ALG14: variants seen among roughly 807,000 people sequenced by gnomAD.
ALG14 encodes UDP-N-acetylglucosamine transferase subunit ALG14.
A neutral mutation model predicts 22.8 loss-of-function variants in ALG14; 17 were observed. That is an observed-to-expected ratio of 0.75 (90% CI 0.51 to 1.12). ALG14 has a LOEUF of 1.12. ALG14 is among the 50% of genes most tolerant of loss of function. ALG14 has a pLI of 0.00. For synonymous variants in ALG14, 89 were observed against 103.7 expected (o/e 0.86, Z 0.86); for missense variants, 288 against 271.8 (o/e 1.06, Z -0.42).
At chr1:95,059,593 C>A (rs1422347371) in intron 2 of ALG14, among the ~76,000 whole-genome samples, 1 of 151,366 alleles carries the variant, frequency 6.6e-6, no homozygotes, top group African/African-American at 2.4e-5. Flanking sequence ...GTTTTGAATC[C>A]GTTAATTATC....
At chr1:95,044,882 T>TAAAAA (rs372248366) in intron 2 of ALG14, among the ~76,000 whole-genome samples, 190 of 151,876 alleles carry the variant, frequency 1.3e-3, no homozygotes, top group African/African-American at 4.4e-3. Context: ...ATTTTTTTTT[T>TAAAAA]AAAAAAAGCA....
rs1353593665 is a variant in ALG14, at chr1:94,988,116, G to A, written c.421-4810C>T. Reference sequence around the variant, plus strand: ...GGCTCGGGTAGGTAGCCTACCTGGAGGTCAAGGGTTCTGTCAAAATCAATG... The same window carrying A: ...GGCTCGGGTAGGTAGCCTACCTGGAAGTCAAGGGTTCTGTCAAAATCAATG... On this transcript the variant is annotated intron_variant, in intron 3 of 3. Coordinates refer to ENST00000370205, the MANE Select transcript of ALG14 (RefSeq NM_144988.4). Among the ~76,000 whole-genome samples, 4 of 152,182 alleles carry A rather than the reference G, an allele frequency of 2.6e-5. 1 individual carries two copies. The highest frequency in any genetic ancestry group is 5.9e-5 in the Non-Finnish European group (4 of 68,046).
intron 2 of ALG14, among the ~76,000 whole-genome samples, chr1:95,055,433 AC>A (rs1674892819): frequency 6.6e-6 from 1 of 152,184 alleles, no homozygotes; most frequent in Admixed American, 6.6e-5. Context: ...GAGTAAAAAA[AC>A]AATACAAGAC....
chr1:95,016,985 GTGTGTGTGTGTA>G (rs1673518239), intron 3 of ALG14, among the ~76,000 whole-genome samples: 1 of 147,772 alleles, frequency 6.8e-6, no homozygotes, highest in Non-Finnish European at 1.5e-5. Flanking sequence ...GTGTGTGTGT[GTGTGTGTGTGTA>G]GTGTGGTGTG....
intron 3 of ALG14, among the ~76,000 whole-genome samples, chr1:94,988,018 A>G (rs946672742): frequency 3.3e-5 from 5 of 152,216 alleles, no homozygotes; most frequent in African/African-American, 9.7e-5. Context: ...ACACAGCTGC[A>G]GGGAAAGCTT....
At chr1:95,057,384 C>A (rs1674970923) in intron 2 of ALG14, among the ~76,000 whole-genome samples, 1 of 151,554 alleles carries the variant, frequency 6.6e-6, no homozygotes, top group Non-Finnish European at 1.5e-5. Flanking sequence ...TTCCCCTTGT[C>A]ATTATTTCCT....
At chr1:95,016,113 G>A (rs1673488495) in intron 3 of ALG14, among the ~76,000 whole-genome samples, 1 of 152,166 alleles carries the variant, frequency 6.6e-6, no homozygotes, top group South Asian at 2.1e-4. Flanking sequence ...TGGTAGAGTG[G>A]CAGACCTAGA....
chr1:95,030,960 A>G (rs751287961), intron 2 of ALG14, among the ~76,000 whole-genome samples: 10 of 152,218 alleles, frequency 6.6e-5, no homozygotes, highest in East Asian at 1.9e-4. Context: ...ACCAGTAACT[A>G]AAGTTTGATG....
At chr1:95,046,845 C>T (rs999400047) in intron 2 of ALG14, among the ~76,000 whole-genome samples, 3 of 152,164 alleles carry the variant, frequency 2.0e-5, no homozygotes, top group Non-Finnish European at 4.4e-5. Flanking sequence ...CGCCTGTAAT[C>T]TCAACACTTT....
intron 2 of ALG14, 114 bp from the exon 3 acceptor site, chr1:95,027,374 T>A: frequency 7.9e-7 from 1 of 1,258,708 alleles, no homozygotes; most frequent in Non-Finnish European, 1.1e-6. Context: ...AAATTTTCAT[T>A]CTAACCACTT....
At chr1:95,043,562 T>C (rs1014933726) in intron 2 of ALG14, among the ~76,000 whole-genome samples, 3 of 152,180 alleles carry the variant, frequency 2.0e-5, no homozygotes, top group African/African-American at 4.8e-5. Context: ...TGAGAACTAG[T>C]GCAGGTCAGC....
At position 94,981,603 on chromosome 1, in the gene ALG14, T is replaced by C. The variant is rs899521797; in HGVS notation, c.*1473A>G. 6 of 151,184 alleles carry C rather than the reference T, an allele frequency of 4.0e-5. No homozygotes were observed. Among genetic ancestry groups the C allele is most frequent in the East Asian group, 1.9e-4 (1 of 5,186 alleles). 9.4% of individuals were successfully genotyped at this position (151,184 alleles called of 1,614,324 possible). ...ATTTATTAGATTTATATCATACTTA[T>C]AAAGCAAAAGATTTAAGAGGAAAAA... On this transcript the variant is annotated 3_prime_UTR_variant, in exon 4 of 4. Coordinates refer to ENST00000370205, the MANE Select transcript of ALG14 (RefSeq NM_144988.4).
At chr1:95,070,816 A>G (rs1675535813) in intron 1 of ALG14, among the ~76,000 whole-genome samples, 1 of 152,024 alleles carries the variant, frequency 6.6e-6, no homozygotes, top group South Asian at 2.1e-4. Context: ...GCTCACTGCA[A>G]CCTCCACCTC....
chr1:95,001,444 A>G (rs946424011), intron 3 of ALG14, among the ~76,000 whole-genome samples: 8 of 152,178 alleles, frequency 5.3e-5, no homozygotes, highest in African/African-American at 1.9e-4. Flanking sequence ...GCATCTTCCA[A>G]CATGGCTTTT....
chr1:94,997,013 C>T (rs556726905), intron 3 of ALG14, among the ~76,000 whole-genome samples: 91 of 152,200 alleles, frequency 6.0e-4, no homozygotes, highest in African/African-American at 2.1e-3. Context: ...TAGTTGAGAG[C>T]ATCCAGAGAA....
chr1:94,993,824 A>T (rs1320572955), intron 3 of ALG14, among the ~76,000 whole-genome samples: 1 of 152,184 alleles, frequency 6.6e-6, no homozygotes, highest in East Asian at 1.9e-4. Flanking sequence ...CAGGCTCCAA[A>T]ATCCCCTCTA....
At chr1:95,057,422 A>G (rs918000750) in intron 2 of ALG14, among the ~76,000 whole-genome samples, 22 of 151,966 alleles carry the variant, frequency 1.4e-4, no homozygotes, top group African/African-American at 4.6e-4. Context: ...AACTATTTAC[A>G]TAGTATTTAC....
chr1:95,058,437 A>C (rs1675012779), intron 2 of ALG14, among the ~76,000 whole-genome samples: 1 of 150,462 alleles, frequency 6.6e-6, no homozygotes, highest in Non-Finnish European at 1.5e-5. Flanking sequence ...AACATGGCAA[A>C]ACCCCATCTT....
chr1:95,056,135 C>CA (rs1246203693), intron 2 of ALG14, among the ~76,000 whole-genome samples: 1 of 151,450 alleles, frequency 6.6e-6, no homozygotes, highest in Admixed American at 6.6e-5. Context: ...CTAGGCTGAA[C>CA]AGCTATATAT....
Sources: gnomAD v4.1 joint callset for allele counts (sites outside exome capture counted in the v4.1 genomes callset) on GRCh38, gnomAD v4.1.1 for gene constraint, MANE v1.5 for transcripts, NCBI Gene and HGNC (gene_info 2026-07-23, HGNC 2026-07-21) for gene names.